Variants in CLEC16A observed in about 807,000 individuals in gnomAD.
CLEC16A encodes the protein C-type lectin domain containing 16A, also known as protein CLEC16A.
CLEC16A carries 51 observed loss-of-function variants against 109.5 expected under a neutral mutation model. That is an observed-to-expected ratio of 0.47 (90% confidence interval 0.37 to 0.59). The LOEUF (loss-of-function observed/expected upper bound fraction) is 0.59, where lower values mean the gene tolerates loss of function less well. Among genes scored for constraint, CLEC16A ranks in the 20% least tolerant of loss-of-function variants. The pLI, the probability that CLEC16A is intolerant of heterozygous loss-of-function variation, is 0.00. For missense variants in CLEC16A, 1,339 were observed against 1,394.0 expected (o/e 0.96, Z 0.63); for synonymous variants, 673 against 564.2 (o/e 1.19, Z -2.73).
rs1023839367 is a variant in CLEC16A, at chr16:11,123,832, C to G, written c.2359C>G (p.Pro787Ala). Residue 787 changes from proline to alanine, a missense_variant, in exon 21 of 24, where the codon CCC becomes GCC. Pro to Ala is a conservative substitution (Grantham distance 27). This residue lies in a region of CLEC16A where 1,061 missense variants were observed against 1,006.8 expected (regional missense o/e 1.05). Transcript: ENST00000409790. The part of the protein sequence containing the change: ...PASSPHSKPF[P>A]ILQATFIFSD... The stretch of plus-strand genomic sequence containing the variant: ...GTCCAGCCCCCATTCCAAGCCCTTC[C>G]CCATCCTCCAGGCCACCTTCATCTT... 2.5e-6 allele frequency: 4 copies of G among 1,613,952 alleles called. No individual in the cohort carries two copies. Among genetic ancestry groups the G allele is most frequent in the Admixed American group, 1.7e-5 (1 of 60,010 alleles).
Position 11,018,947 on chromosome 16 carries a change from C to G in CLEC16A, c.1304-1246C>G, listed in dbSNP as rs997016095. On this transcript the variant is annotated intron_variant, in intron 11 of 23. Transcript: ENST00000409790. ...CTGGGAGTTTTGAACAGAGGAGTGACATGAGCTAATTTCATTAAAATCACT... is the reference window on the plus strand; with the variant it reads ...CTGGGAGTTTTGAACAGAGGAGTGAGATGAGCTAATTTCATTAAAATCACT... Among the ~76,000 whole-genome samples, 12 of 152,168 alleles carry G rather than the reference C, an allele frequency of 7.9e-5. No individual in the cohort carries two copies. The East Asian group carries it at 2.1e-3, about 27-fold the overall frequency.
At chr16:11,148,911 G>A (rs1432899141) in intron 22 of CLEC16A, among the ~76,000 whole-genome samples, 1 of 152,206 alleles carries the variant, frequency 6.6e-6, no homozygotes, top group African/African-American at 2.4e-5. Context: ...TAGGAGGCAG[G>A]ATGTACTTCT....
At position 10,954,640 on chromosome 16, in the gene CLEC16A, A is replaced by T. The variant is rs1191169935; in HGVS notation, c.81-3142A>T. 6.6e-6 allele frequency among the ~76,000 whole-genome samples: 1 copy of T among 152,214 alleles called. No individual in the cohort carries two copies. The highest frequency in any genetic ancestry group is 2.4e-5 in the African/African-American group (1 of 41,454). ...CTCAGGATCACCCAGCTAATAAGTG[A>T]TGGAGGTGTGCTCAGACCCAGGCAT... On this transcript the variant is annotated intron_variant, in intron 1 of 23. Transcript: ENST00000409790. This position sits in a 1 kb window ranked among gnomAD's most constrained non-coding sequence, Gnocchi z 4.2.
chr16:11,008,826 T>TA (rs35514760), intron 11 of CLEC16A, among the ~76,000 whole-genome samples: 16,302 of 86,138 alleles, frequency 0.19, 1,690 homozygotes, highest in African/African-American at 0.31. Flanking sequence ...CCGTCTCTAC[T>TA]AAAAAAAAAA....
At chr16:10,947,508 T>C (rs1022650937) in intron 1 of CLEC16A, among the ~76,000 whole-genome samples, 6 of 152,138 alleles carry the variant, frequency 3.9e-5, no homozygotes, top group Admixed American at 2.6e-4. Flanking sequence ...GAAGCCACCA[T>C]TGGCGGGCAG....
At chr16:11,046,220 C>CT (rs1417301037) in intron 16 of CLEC16A, among the ~76,000 whole-genome samples, 2 of 152,114 alleles carry the variant, frequency 1.3e-5, no homozygotes, top group Non-Finnish European at 2.9e-5. Context: ...GAGGGTTATT[C>CT]TTTATTATTA....
chr16:11,168,156 T>C (rs1051683774), intron 23 of CLEC16A, among the ~76,000 whole-genome samples: 24 of 152,166 alleles, frequency 1.6e-4, no homozygotes, highest in African/African-American at 5.8e-4. Context: ...GGCTTCTGTA[T>C]ATGGATGTCT....
chr16:11,098,625 G>A (rs1437041026), intron 19 of CLEC16A, among the ~76,000 whole-genome samples: 1 of 152,198 alleles, frequency 6.6e-6, no homozygotes, highest in African/African-American at 2.4e-5. Context: ...GCCTGGTGGG[G>A]CTGGAGTCCT....
chr16:11,093,234 C>T (rs1248518036), intron 19 of CLEC16A, among the ~76,000 whole-genome samples: 1 of 152,244 alleles, frequency 6.6e-6, no homozygotes, highest in Non-Finnish European at 1.5e-5. Flanking sequence ...CAGTAGGCTT[C>T]ACTGGAGTGG....
intron 10 of CLEC16A, among the ~76,000 whole-genome samples, chr16:10,996,253 C>T (rs1268437622): frequency 6.6e-6 from 1 of 152,214 alleles, no homozygotes; most frequent in Non-Finnish European, 1.5e-5. Context: ...TTGTGAGCAG[C>T]ACGGGCTAGT....
intron 23 of CLEC16A, among the ~76,000 whole-genome samples, chr16:11,172,380 T>C (rs1044902614): frequency 1.3e-5 from 2 of 152,182 alleles, no homozygotes; most frequent in Non-Finnish European, 2.9e-5. Flanking sequence ...TCTCCTCAGA[T>C]AAGAACTCTG....
chr16:11,042,661 G>T (rs1597171398), intron 15 of CLEC16A, among the ~76,000 whole-genome samples: 1 of 152,114 alleles, frequency 6.6e-6, no homozygotes, highest in African/African-American at 2.4e-5. Flanking sequence ...TATTACAAAA[G>T]TTTTTTTGCA....
At chr16:11,151,192 A>G (rs1259040642) in intron 22 of CLEC16A, among the ~76,000 whole-genome samples, 1 of 152,226 alleles carries the variant, frequency 6.6e-6, no homozygotes, top group Non-Finnish European at 1.5e-5. Flanking sequence ...CGTTGTTTCT[A>G]CTACCTTATG....
intron 22 of CLEC16A, among the ~76,000 whole-genome samples, chr16:11,148,160 G>A (rs2054145744): frequency 1.3e-5 from 2 of 152,176 alleles, no homozygotes; most frequent in South Asian, 2.1e-4. Flanking sequence ...TTAGAAGTGC[G>A]GTGAGTAGTT....
chr16:11,107,996 A>C (rs568622909), intron 19 of CLEC16A, among the ~76,000 whole-genome samples: 1 of 152,346 alleles, frequency 6.6e-6, no homozygotes, highest in Non-Finnish European at 1.5e-5. Flanking sequence ...CCCCTCCTGC[A>C]GCTGCATTCT....
At chr16:11,131,870 A>ACTGG (rs1239808507) in intron 22 of CLEC16A, among the ~76,000 whole-genome samples, 94 of 151,992 alleles carry the variant, frequency 6.2e-4, no homozygotes, top group African/African-American at 1.7e-3. Flanking sequence ...CTTCAGCCGC[A>ACTGG]CTGGCTGGCT....
chr16:10,999,888 G>A (rs2044562666), intron 10 of CLEC16A, among the ~76,000 whole-genome samples: 1 of 152,174 alleles, frequency 6.6e-6, no homozygotes, highest in Non-Finnish European at 1.5e-5. Context: ...CCAGGCTGGA[G>A]TGCGGTGGTT....
intron 10 of CLEC16A, among the ~76,000 whole-genome samples, chr16:10,995,422 G>C (rs1051890044): frequency 6.6e-6 from 1 of 152,216 alleles, no homozygotes; most frequent in Non-Finnish European, 1.5e-5. Context: ...CAGGGGCCCA[G>C]GAGCATGTTG....
intron 22 of CLEC16A, among the ~76,000 whole-genome samples, chr16:11,130,450 G>A (rs763491942): frequency 1.3e-5 from 2 of 152,194 alleles, no homozygotes; most frequent in South Asian, 2.1e-4. Flanking sequence ...GTCACCAAGC[G>A]AGCAAGATGT....
Sources: gnomAD v4.1 joint callset for allele counts (sites outside exome capture counted in the v4.1 genomes callset) on GRCh38, gnomAD v4.1.1 for gene constraint, gnomAD v4.1.1 regional missense constraint, Gnocchi (gnomAD v3.1) non-coding constraint, MANE v1.5 for transcripts, NCBI Gene and HGNC (gene_info 2026-07-23, HGNC 2026-07-21) for gene names.